Variants in KIF16B observed in about 807,000 individuals in gnomAD.
The protein encoded by KIF16B is kinesin family member 16B.
KIF16B carries 98 observed loss-of-function variants against 156.3 expected under a neutral mutation model. That is an observed-to-expected ratio of 0.63 (90% CI 0.53 to 0.74). The LOEUF (loss-of-function observed/expected upper bound fraction) is 0.74. KIF16B is among the 30% of genes least tolerant of loss of function. The probability of loss-of-function intolerance (pLI) is 0.00; values close to 1 mark genes in which losing one functional copy is unlikely to be tolerated. For missense variants in KIF16B, 1,421 were observed against 1,606.5 expected (o/e 0.88, Z 1.97); for synonymous variants, 564 against 583.7 (o/e 0.97, Z 0.49).
chr20:16,501,368 A>AAGAATTGAATTCTTGGTTCAATACCC (rs2068620337), intron 10 of KIF16B, among the ~76,000 whole-genome samples: 1 of 134,082 alleles, frequency 7.5e-6, no homozygotes, highest in African/African-American at 2.7e-5. Context: ...GTTCAATACC[A>AAGAATTGAATTCTTGGTTCAATACCC]AGAATTTAAC....
intron 23 of KIF16B, 121 bp from the exon 24 acceptor site, chr20:16,336,136 T>TCTGTATTTATGCAGCTA (rs1215019541): frequency 1.6e-6 from 1 of 638,312 alleles, no homozygotes; most frequent in Non-Finnish European, 2.7e-6. Flanking sequence ...TCTCTAGAAC[T>TCTGTATTTATGCAGCTA]GAAAACATTA....
intron 12 of KIF16B, among the ~76,000 whole-genome samples, chr20:16,488,784 AG>A (rs1253888821): frequency 6.6e-6 from 1 of 152,206 alleles, no homozygotes; most frequent in Admixed American, 6.5e-5. Context: ...GAATCACTGC[AG>A]TTTGAGATAA....
intron 12 of KIF16B, among the ~76,000 whole-genome samples, chr20:16,489,358 C>T (rs933043476): frequency 6.6e-6 from 1 of 152,060 alleles, no homozygotes; most frequent in Non-Finnish European, 1.5e-5. Flanking sequence ...CAGGGCAGAA[C>T]AGGAGAAGGA....
At chr20:16,389,847 C>T (rs1017029009) in intron 17 of KIF16B, among the ~76,000 whole-genome samples, 2 of 152,114 alleles carry the variant, frequency 1.3e-5, no homozygotes, top group Admixed American at 6.5e-5. Context: ...CATGGAAAGG[C>T]CTTGAAGTCT....
In KIF16B at chr20:16,378,973, G is replaced by T. The variant is rs780340317; in HGVS notation, c.3029C>A (p.Ala1010Asp). 4 of 1,614,088 alleles carry T rather than the reference G, an allele frequency of 2.5e-6. No individual in the cohort carries two copies. The East Asian group carries it at 8.9e-5, about 36-fold the overall frequency. The change falls in exon 19 of 26, where the codon GCC becomes GAC. Residue 1010 changes from alanine (A) to aspartate (D), a missense_variant. Physicochemically the swap from Ala to Asp is moderately radical, Grantham distance 126. Coordinates refer to ENST00000354981, the MANE Select transcript of KIF16B (RefSeq NM_024704.5). ...CGCAGAATGTCTCCTCTCCAGCCTGGCCAGGGCCCGCTCCAGCGCCTCTCT... is the reference window on the plus strand; with the variant it reads ...CGCAGAATGTCTCCTCTCCAGCCTGTCCAGGGCCCGCTCCAGCGCCTCTCT... ...QQREALERAL[A>D]RLERRHSALQ...
At chr20:16,352,135 C>T (rs1241989023) in intron 23 of KIF16B, among the ~76,000 whole-genome samples, 3 of 152,188 alleles carry the variant, frequency 2.0e-5, no homozygotes, top group African/African-American at 7.2e-5. Context: ...TGACTGCAAA[C>T]GGCCACCAGA....
intron 25 of KIF16B, among the ~76,000 whole-genome samples, chr20:16,279,535 G>C (rs534791438): frequency 9.9e-5 from 15 of 152,242 alleles, no homozygotes; most frequent in Non-Finnish European, 1.5e-5. Context: ...GGCAGACAAG[G>C]GTCAGGAATC....
At chr20:16,483,708 A>G (rs1038986212) in intron 12 of KIF16B, among the ~76,000 whole-genome samples, 10 of 152,224 alleles carry the variant, frequency 6.6e-5, no homozygotes, top group African/African-American at 2.4e-4. Context: ...GTGGTGACCA[A>G]CGTCAGAAAA....
chr20:16,337,302 T>G (rs760980565), intron 23 of KIF16B, among the ~76,000 whole-genome samples: 1 of 152,034 alleles, frequency 6.6e-6, no homozygotes, highest in African/African-American at 2.4e-5. Flanking sequence ...CAGTAGAAAG[T>G]AGAAACAAGA....
At chr20:16,536,599 T>C (rs1485394939) in intron 1 of KIF16B, among the ~76,000 whole-genome samples, 1 of 152,052 alleles carries the variant, frequency 6.6e-6, no homozygotes, top group Non-Finnish European at 1.5e-5. Flanking sequence ...AAATATAAAG[T>C]TTGTCAAAAA....
At chr20:16,446,917 A>T (rs187086860) in intron 12 of KIF16B, among the ~76,000 whole-genome samples, 89 of 152,296 alleles carry the variant, frequency 5.8e-4, no homozygotes, top group Admixed American at 2.9e-3. Context: ...TCTATCCTGC[A>T]CTAGAATAAA....
chr20:16,463,933 ATT>A (rs1277011975), intron 12 of KIF16B, among the ~76,000 whole-genome samples: 1 of 152,200 alleles, frequency 6.6e-6, no homozygotes, highest in Non-Finnish European at 1.5e-5. Context: ...TGCTAAAGCA[ATT>A]CTCCTTTCAA....
At chr20:16,294,634 G>C (rs1190451516) in intron 25 of KIF16B, among the ~76,000 whole-genome samples, 2 of 152,128 alleles carry the variant, frequency 1.3e-5, no homozygotes, top group African/African-American at 4.8e-5. Context: ...GGGTCCATGG[G>C]GGCTGCCTTG....
rs563513250 is a variant in KIF16B at position 16,368,798 on chromosome 20, C to A, written c.3498+1788G>T. On this transcript the variant is annotated intron_variant, in intron 22 of 25. Transcript: ENST00000354981. ...AAGCAGAGCACCTTGCCTTGCCTGG[C>A]CTGCTTGCCTCCGCTATTTATAGAC... 292 of 985,792 alleles carry A rather than the reference C, an allele frequency of 3.0e-4. 2 individuals are homozygous for A. Among genetic ancestry groups the A allele is most frequent in the African/African-American group, 1.6e-3 (94 of 57,324 alleles). 61.1% of individuals were successfully genotyped at this position (985,792 alleles called of 1,614,324 possible).
intron 12 of KIF16B, among the ~76,000 whole-genome samples, chr20:16,481,753 A>T (rs939102406): frequency 6.6e-6 from 1 of 152,192 alleles, no homozygotes; most frequent in African/African-American, 2.4e-5. Flanking sequence ...GCTATTTGGA[A>T]CCAACTCCTC....
chr20:16,404,321 C>T (rs2065727384), intron 17 of KIF16B, among the ~76,000 whole-genome samples: 1 of 152,150 alleles, frequency 6.6e-6, no homozygotes, highest in South Asian at 2.1e-4. Context: ...TGTCCAAGGT[C>T]ACCCAGCCAC....
intron 23 of KIF16B, among the ~76,000 whole-genome samples, chr20:16,355,252 CTG>C (rs932841918): frequency 2.0e-5 from 3 of 152,292 alleles, no homozygotes; most frequent in African/African-American, 7.2e-5. Flanking sequence ...CCTCCCCACT[CTG>C]TGTGTGCCCA....
intron 3 of KIF16B, among the ~76,000 whole-genome samples, chr20:16,516,612 A>G (rs6044049): frequency 6.6e-6 from 1 of 152,030 alleles, no homozygotes; most frequent in Non-Finnish European, 1.5e-5. Flanking sequence ...GGTGTCACCA[A>G]CGTCCAAGGT....
At chr20:16,351,138 TC>T (rs1201136080) in intron 23 of KIF16B, among the ~76,000 whole-genome samples, 2 of 152,052 alleles carry the variant, frequency 1.3e-5, no homozygotes, top group African/African-American at 4.8e-5. Flanking sequence ...GCCGATTACT[TC>T]CAGATTTTAC....
Sources: gnomAD v4.1 joint callset for allele counts (sites outside exome capture counted in the v4.1 genomes callset) on GRCh38, gnomAD v4.1.1 for gene constraint, MANE v1.5 for transcripts, NCBI Gene and HGNC (gene_info 2026-07-23, HGNC 2026-07-21) for gene names.